The following NUCKS1 variants were observed in gnomAD, a reference collection of about 807,000 sequenced individuals.
The protein encoded by NUCKS1 is nuclear ubiquitous casein and cyclin-dependent kinase substrate 1.
A neutral mutation model predicts 33.0 loss-of-function variants in NUCKS1; 2 were observed. The ratio of observed to expected loss-of-function variants is 0.06; its 90% CI spans 0.02 to 0.19. The LOEUF (loss-of-function observed/expected upper bound fraction) is 0.19. NUCKS1 is among the 10% of genes least tolerant of loss of function. The pLI, the probability that NUCKS1 is intolerant of heterozygous loss-of-function variation, is 1.00. For synonymous variants in NUCKS1, 106 were observed against 102.8 expected, an observed-to-expected ratio of 1.03 and a Z score of -0.19; for missense variants, 201 against 293.6, an observed-to-expected ratio of 0.68 and a Z score of 2.31.
At chr1:205,732,408 G>A (rs890772460) in intron 1 of NUCKS1, among the ~76,000 whole-genome samples, 6 of 151,998 alleles carry the variant, frequency 3.9e-5, no homozygotes, top group Admixed American at 2.0e-4. Flanking sequence ...TTGTTTAGTG[G>A]GTTTAGTTTC....
intron 3 of NUCKS1, among the ~76,000 whole-genome samples, chr1:205,725,110 G>A (rs1005843904): frequency 3.9e-5 from 6 of 152,172 alleles, no homozygotes; most frequent in African/African-American, 1.4e-4. Flanking sequence ...ATGAACTCCT[G>A]AGCTCAAGTG....
intron 1 of NUCKS1, among the ~76,000 whole-genome samples, chr1:205,743,527 A>G (rs1654234042): frequency 6.6e-6 from 1 of 152,220 alleles, no homozygotes; most frequent in Non-Finnish European, 1.5e-5. Context: ...TTAATGCATT[A>G]AGTTTTACAA....
At chr1:205,743,986 C>T (rs1202995217) in intron 1 of NUCKS1, among the ~76,000 whole-genome samples, 2 of 152,164 alleles carry the variant, frequency 1.3e-5, no homozygotes, top group African/African-American at 4.8e-5. Flanking sequence ...AACGTATAAA[C>T]TTAAAACAAT....
rs1654232408 is a variant in NUCKS1 at position 205,743,455 on chromosome 1, C to CCTATTTG, written c.17+6501_17+6502insCAAATAG. 2.0e-5 allele frequency among the ~76,000 whole-genome samples: 3 copies of CCTATTTG among 152,226 alleles called. No individual in the cohort carries two copies. The South Asian group carries it at 6.2e-4, about 31-fold the overall frequency. On this transcript the variant is annotated intron_variant, in intron 1 of 6. Transcript: ENST00000367142. Reference sequence around the variant, plus strand: ...ATTAATCACTAATCGACTTAAAACACTAAAAACTCAACCACTTAACCTATT... The same window carrying CCTATTTG: ...ATTAATCACTAATCGACTTAAAACACCTATTTGTAAAAACTCAACCACTTAACCTATT...
At chr1:205,722,398 A>G (rs953057205) in intron 4 of NUCKS1, among the ~76,000 whole-genome samples, 1 of 152,232 alleles carries the variant, frequency 6.6e-6, no homozygotes, top group Non-Finnish European at 1.5e-5. Flanking sequence ...CTGGGATTAC[A>G]GGCACCCACC....
intron 1 of NUCKS1, among the ~76,000 whole-genome samples, chr1:205,736,736 C>G (rs572360362): frequency 1.3e-5 from 2 of 151,366 alleles, no homozygotes; most frequent in South Asian, 4.2e-4. Context: ...GAGGTTGAGG[C>G]AGGAGAATAG....
chr1:205,746,113 T>C (rs907445528), intron 1 of NUCKS1, among the ~76,000 whole-genome samples: 1 of 151,770 alleles, frequency 6.6e-6, no homozygotes, highest in South Asian at 2.1e-4. Flanking sequence ...CTGGCCAACA[T>C]GGTGAAACCC....
Position 205,717,850 on chromosome 1 carries a change from GT to G in NUCKS1, c.*429del, listed in dbSNP as rs1347676731. The G allele has an allele frequency of 1.0e-5, 10 of 985,694 alleles. No homozygotes were observed. The highest frequency in any genetic ancestry group is 1.1e-5 in the Non-Finnish European group (9 of 830,064). The allele number at this position is 985,694 out of a possible 1,614,324, so 61.1% of individuals were successfully genotyped here. On this transcript the variant is annotated 3_prime_UTR_variant, in exon 7 of 7. Transcript: ENST00000367142. ...TCATTTTGAACTAAAATCTTTCTATGTTTTTTGATTACTATTCAACTTGCTA... is the reference window on the plus strand; with the variant it reads ...TCATTTTGAACTAAAATCTTTCTATGTTTTTGATTACTATTCAACTTGCTA...
intron 1 of NUCKS1, among the ~76,000 whole-genome samples, chr1:205,748,625 G>A (rs1484284510): frequency 2.6e-5 from 4 of 152,132 alleles, no homozygotes; most frequent in African/African-American, 4.8e-5. Context: ...TTCCCACCCC[G>A]TGTGTAGGAG....
At position 205,746,445 on chromosome 1, in the gene NUCKS1, TCTCTCTCTCA is replaced by T. The variant is rs1258025386; in HGVS notation, c.17+3502_17+3511del. 5.0e-3 allele frequency among the ~76,000 whole-genome samples: 422 copies of T among 84,932 alleles called. 2 individuals are homozygous for T. Among genetic ancestry groups the T allele is most frequent in the African/African-American group, 0.015 (381 of 26,066 alleles). The allele number at this position is 84,932 out of a possible 152,430, so 55.7% of individuals were successfully genotyped here. On this transcript the variant is annotated intron_variant, in intron 1 of 6. Transcript: ENST00000367142. ...AGGTTAATAAACTCACTTCTCTCTCTCTCTCTCTCACACACACACACACACACACACACAC... is the reference window on the plus strand; with the variant it reads ...AGGTTAATAAACTCACTTCTCTCTCTCACACACACACACACACACACACAC...
chr1:205,750,015 A>AGGGGGGGGGGGGGGGGGG lies in NUCKS1; in HGVS notation c.-43_-42insCCCCCCCCCCCCCCCCCC. ...GGACCGAGTCGAGAAGCCAAAGACCAGGACCCCCCCCACCCCGCGCGCTCG... is the reference window on the plus strand; with the variant it reads ...GGACCGAGTCGAGAAGCCAAAGACCAGGGGGGGGGGGGGGGGGGGGACCCCCCCCACCCCGCGCGCTCG... On this transcript the variant is annotated 5_prime_UTR_variant, in exon 1 of 7. Transcript: ENST00000367142. 6.6e-7 allele frequency: 1 copy of AGGGGGGGGGGGGGGGGGG among 1,506,276 alleles called. No homozygotes were observed. Among genetic ancestry groups the AGGGGGGGGGGGGGGGGGG allele is most frequent in the Non-Finnish European group, 9.0e-7 (1 of 1,114,424 alleles). 93.3% of individuals were successfully genotyped at this position (1,506,276 alleles called of 1,614,324 possible). A position where few individuals can be genotyped will look rare whatever the true frequency, so the allele number is the denominator to read the frequency against.
intron 1 of NUCKS1, among the ~76,000 whole-genome samples, chr1:205,731,919 T>C (rs1653923237): frequency 6.6e-6 from 1 of 151,550 alleles, no homozygotes; most frequent in Non-Finnish European, 1.5e-5. Context: ...AAATTTAAGA[T>C]AAATATACAT....
chr1:205,715,250 G>A lies in NUCKS1; in HGVS notation c.*3030C>T, dbSNP rs1268766999. 6.6e-6 allele frequency: 1 copy of A among 152,144 alleles called. No homozygotes were observed. Among genetic ancestry groups the A allele is most frequent in the South Asian group, 2.1e-4 (1 of 4,826 alleles). The allele number at this position is 152,144 out of a possible 1,614,324, so 9.4% of individuals were successfully genotyped here. A position where few individuals can be genotyped will look rare whatever the true frequency, so the allele number is the denominator to read the frequency against. On this transcript the variant is annotated 3_prime_UTR_variant, in exon 7 of 7. Coordinates refer to ENST00000367142, the MANE Select transcript of NUCKS1 (RefSeq NM_022731.5). ...AAGTATTAAAATGAGGATTGAACTG[G>A]GGCAAACAGGTTATTGTGAAAACAG...
chr1:205,739,487 T>A lies in NUCKS1; in HGVS notation c.18-9866A>T, dbSNP rs569074649. ...ACAACTCAAATTTTTTTTTTTCTTT[T>A]TTTGAGACGGGGTCTCACTCTGCTG... is the stretch of plus-strand genomic sequence containing the variant. On this transcript the variant is annotated intron_variant, in intron 1 of 6. Coordinates refer to ENST00000367142, the MANE Select transcript of NUCKS1 (RefSeq NM_022731.5). 2.6e-4 allele frequency among the ~76,000 whole-genome samples: 39 copies of A among 152,104 alleles called. No homozygotes were observed. In the South Asian group the frequency reaches 7.5e-3, roughly 29 times the overall value.
At chr1:205,728,053 T>G (rs1653820879) in intron 2 of NUCKS1, among the ~76,000 whole-genome samples, 1 of 152,170 alleles carries the variant, frequency 6.6e-6, no homozygotes, top group Non-Finnish European at 1.5e-5. Flanking sequence ...TAAACCTCTC[T>G]CATCATTTTA....
intron 1 of NUCKS1, among the ~76,000 whole-genome samples, chr1:205,739,501 C>T (rs555522130): frequency 4.7e-4 from 72 of 152,096 alleles, no homozygotes; most frequent in African/African-American, 1.7e-3. Flanking sequence ...GAGACGGGGT[C>T]TCACTCTGCT....
intron 1 of NUCKS1, among the ~76,000 whole-genome samples, chr1:205,746,441 T>TCACACACACA (rs1403649920): frequency 4.9e-5 from 2 of 40,712 alleles, no homozygotes; most frequent in Non-Finnish European, 1.3e-4. Flanking sequence ...CTCACTTCTC[T>TCACACACACA]CTCTCTCTCT....
intron 1 of NUCKS1, among the ~76,000 whole-genome samples, chr1:205,739,832 G>A (rs1654120809): frequency 6.6e-6 from 1 of 151,952 alleles, no homozygotes; most frequent in African/African-American, 2.4e-5. Context: ...CAAGCGATCT[G>A]CCCTCCTCGG....
intron 1 of NUCKS1, among the ~76,000 whole-genome samples, chr1:205,729,860 A>G (rs1653865022): frequency 1.3e-5 from 2 of 152,020 alleles, no homozygotes; most frequent in Non-Finnish European, 2.9e-5. Flanking sequence ...TGTCTCTACT[A>G]AAAACACAAA....
Sources: allele counts gnomAD v4.1 joint callset (sites outside exome capture counted in the v4.1 genomes callset), GRCh38; gene constraint gnomAD v4.1.1; transcripts MANE v1.5; gene names NCBI Gene and HGNC (gene_info 2026-07-23, HGNC 2026-07-21).